Variants in USP14 observed in about 807,000 individuals in gnomAD.
The protein encoded by USP14 is ubiquitin specific peptidase 14.
USP14 carries 38 observed loss-of-function variants against 76.5 expected under a neutral mutation model. The ratio of observed to expected loss-of-function variants is 0.50; its 90% confidence interval spans 0.38 to 0.65. The LOEUF (loss-of-function observed/expected upper bound fraction) is 0.65. Among genes scored for constraint, USP14 ranks in the 30% least tolerant of loss-of-function variants. USP14 has a pLI of 0.00. For synonymous variants in USP14, 192 were observed against 191.7 expected (o/e 1.00, Z -0.01); for missense variants, 467 against 586.5 (o/e 0.80, Z 2.10).
At chr18:166,553 G>A (rs375607826) in intron 2 of USP14, among the ~76,000 whole-genome samples, 10 of 152,146 alleles carry the variant, frequency 6.6e-5, no homozygotes, top group African/African-American at 1.9e-4. Flanking sequence ...GGCTGGTTTC[G>A]AACTCCTGAC....
At chr18:164,863 A>G (rs374742892) in intron 2 of USP14, among the ~76,000 whole-genome samples, 1 of 152,214 alleles carries the variant, frequency 6.6e-6, no homozygotes, top group East Asian at 1.9e-4. Flanking sequence ...TTCCTTTGGA[A>G]TGATCTCAGT....
At position 177,100 on chromosome 18, in the gene USP14, T is replaced by A. The variant is rs561820979; in HGVS notation, c.196-1833T>A. ...TTCCAGTTTATTTAGGTGCTTTTTT[T>A]AAAAATATCCTTAAGTAAAGCTTTA... On this transcript the variant is annotated intron_variant, in intron 3 of 15. Coordinates refer to ENST00000261601, the MANE Select transcript of USP14 (RefSeq NM_005151.4). Among the ~76,000 whole-genome samples, 49 of 152,294 alleles carry A rather than the reference T, an allele frequency of 3.2e-4. No individual in the cohort carries two copies. In the East Asian group the frequency reaches 4.4e-3, roughly 14 times the overall value.
In USP14 at chr18:197,673, A is replaced by G. The variant is rs376235145; in HGVS notation, c.652A>G (p.Ile218Val). 6.8e-6 allele frequency: 11 copies of G among 1,612,400 alleles called. No individual in the cohort carries two copies. The highest frequency in any genetic ancestry group is 2.7e-5 in the African/African-American group (2 of 74,888). The change falls in exon 8 of 16, where the codon ATA (isoleucine) becomes GTA (valine). Residue 218 changes from isoleucine to valine, a missense_variant. Coordinates refer to ENST00000261601, the MANE Select transcript of USP14 (RefSeq NM_005151.4). ...MRVLQQKLEA[I>V]EDDSVKETDS... ...AGTATTGCAACAGAAATTGGAAGCAATAGAGGATGATTCTGTTAAAGAGGT... is the reference window on the plus strand; with the variant it reads ...AGTATTGCAACAGAAATTGGAAGCAGTAGAGGATGATTCTGTTAAAGAGGT...
At chr18:197,079 T>C (rs1910258099) in intron 7 of USP14, among the ~76,000 whole-genome samples, 1 of 152,258 alleles carries the variant, frequency 6.6e-6, no homozygotes, top group Non-Finnish European at 1.5e-5. Flanking sequence ...GCTTTCTCTC[T>C]GAGTTCATCA....
At chr18:208,302 T>A (rs965852544) in intron 13 of USP14, among the ~76,000 whole-genome samples, 1 of 152,150 alleles carries the variant, frequency 6.6e-6, no homozygotes, top group Non-Finnish European at 1.5e-5. Context: ...GTTTCTAGTA[T>A]TTATTACCCT....
At chr18:188,398 G>A (rs771468582) in intron 5 of USP14, among the ~76,000 whole-genome samples, 4 of 151,624 alleles carry the variant, frequency 2.6e-5, no homozygotes, top group South Asian at 4.2e-4. Flanking sequence ...TGATACATTC[G>A]TATTCTTTCA....
Position 199,296 on chromosome 18 carries a change from CTT to C in USP14, c.860_861del (p.Phe287TyrfsTer4). The C allele has an allele frequency of 1.2e-6, 2 of 1,612,710 alleles. No individual in the cohort carries two copies. The highest frequency in any genetic ancestry group is 1.7e-6 in the Non-Finnish European group (2 of 1,178,926). On this transcript the variant is annotated frameshift_variant, in exon 10 of 16. Transcript: ENST00000261601. LOFTEE classifies it high-confidence loss of function. Reference sequence around the variant, plus strand: ...TTTTATCAATCAGGAAGTCAAGTATCTTTTTACAGGACTTAAATTGGTAAGGA... The same window carrying C: ...TTTTATCAATCAGGAAGTCAAGTATCTTTACAGGACTTAAATTGGTAAGGA... ...SCFINQEVKY[L>X]FTGLKLRLQE...
At chr18:169,741 A>G (rs1909389408) in intron 3 of USP14, among the ~76,000 whole-genome samples, 1 of 152,172 alleles carries the variant, frequency 6.6e-6, no homozygotes, top group Admixed American at 6.5e-5. Flanking sequence ...CCATTTTTCC[A>G]GCAGCCTATG....
chr18:163,708 T>C (rs1909187797), intron 2 of USP14, among the ~76,000 whole-genome samples: 1 of 152,204 alleles, frequency 6.6e-6, no homozygotes, highest in Non-Finnish European at 1.5e-5. Context: ...TTTTTAACTT[T>C]TAGGTTCTGA....
At chr18:190,779 C>T (rs558101221) in intron 5 of USP14, among the ~76,000 whole-genome samples, 2 of 152,192 alleles carry the variant, frequency 1.3e-5, no homozygotes, top group South Asian at 4.2e-4. Flanking sequence ...ATTCTCAGTA[C>T]TTTTGACTGT....
chr18:206,717 T>C (rs1910537891), intron 13 of USP14, among the ~76,000 whole-genome samples: 1 of 152,110 alleles, frequency 6.6e-6, no homozygotes, highest in Admixed American at 6.5e-5. Flanking sequence ...CTGGCAAACA[T>C]GGTGAAACCC....
At position 205,114 on chromosome 18, in the gene USP14, G is replaced by A. The variant is rs139001387; in HGVS notation, c.1164+422G>A. On this transcript the variant is annotated intron_variant, in intron 13 of 15. Coordinates refer to ENST00000261601, the MANE Select transcript of USP14 (RefSeq NM_005151.4). ...TAGTCTCGAACTCCTGAGCTCAGGC[G>A]ATCTGCCCACCTAGGCCTCCCAGAG... is the stretch of plus-strand genomic sequence containing the variant. 1.7e-3 allele frequency among the ~76,000 whole-genome samples: 257 copies of A among 152,136 alleles called. 5 individuals are homozygous for A. In the East Asian group the frequency reaches 0.042, roughly 25 times the overall value.
intron 6 of USP14, among the ~76,000 whole-genome samples, chr18:193,780 A>G (rs1910155919): frequency 6.6e-6 from 1 of 152,080 alleles, no homozygotes; most frequent in Non-Finnish European, 1.5e-5. Flanking sequence ...ATTCTTTTTT[A>G]TTGCTAAATA....
At chr18:160,933 T>A (rs559278512) in intron 1 of USP14, among the ~76,000 whole-genome samples, 11 of 152,306 alleles carry the variant, frequency 7.2e-5, no homozygotes, top group East Asian at 3.9e-4. Context: ...ATTTTATTTT[T>A]TTTTATTTTT....
At chr18:198,474 G>C (rs1953918369) in intron 9 of USP14, among the ~76,000 whole-genome samples, 1 of 152,060 alleles carries the variant, frequency 6.6e-6, no homozygotes, top group African/African-American at 2.4e-5. Flanking sequence ...GACTTTAGTT[G>C]ATCTACCCAC....
At chr18:180,125 T>C (rs1909745329) in intron 4 of USP14, 111 bp from the exon 5 acceptor site, 4 of 533,866 alleles carry the variant, frequency 7.5e-6, no homozygotes, top group Non-Finnish European at 1.3e-5. Flanking sequence ...TGGTAGAAGC[T>C]AGTAAATGGT....
intron 3 of USP14, among the ~76,000 whole-genome samples, chr18:167,309 A>G (rs902018634): frequency 7.2e-5 from 11 of 152,282 alleles, no homozygotes; most frequent in Middle Eastern, 3.4e-3. Flanking sequence ...ATAAGATAGT[A>G]TATGTTCTTA....
intron 13 of USP14, 61 bp downstream of exon 13, chr18:204,753 A>G: frequency 2.6e-6 from 4 of 1,564,690 alleles, no homozygotes; most frequent in Non-Finnish European, 3.5e-6. Flanking sequence ...GTGCTCAGCA[A>G]TTACTCTGTC....
chr18:177,888 G>T (rs1217656149), intron 3 of USP14, among the ~76,000 whole-genome samples: 1 of 152,008 alleles, frequency 6.6e-6, no homozygotes, highest in East Asian at 1.9e-4. Flanking sequence ...AATTTACTCT[G>T]TATTTGGTTT....
Sources: allele counts gnomAD v4.1 joint callset (sites outside exome capture counted in the v4.1 genomes callset), GRCh38; gene constraint gnomAD v4.1.1; transcripts MANE v1.5; gene names NCBI Gene and HGNC (gene_info 2026-07-23, HGNC 2026-07-21).